The following RAD51B variants were observed in gnomAD, a reference collection of about 807,000 sequenced individuals.
RAD51B encodes RAD51 paralog B.
In RAD51B, 38 loss-of-function variants were observed where a neutral mutation model predicts 42.2. That is an observed-to-expected ratio of 0.90 (90% CI 0.70 to 1.18). RAD51B has a LOEUF of 1.18. RAD51B is among the 50% of genes most tolerant of loss of function. The pLI is 0.00. For synonymous variants in RAD51B, 154 were observed against 145.2 expected (o/e 1.06, Z -0.43); for missense variants, 373 against 400.7 (o/e 0.93, Z 0.59).
At chr14:67,828,399 T>G (rs1317783582) in intron 3 of RAD51B, among the ~76,000 whole-genome samples, 1 of 152,088 alleles carries the variant, frequency 6.6e-6, no homozygotes, top group Admixed American at 6.6e-5. Flanking sequence ...ATATTAGACC[T>G]TTGTCGGATG....
At chr14:68,603,947 G>A (rs968359311) in intron 10 of RAD51B, among the ~76,000 whole-genome samples, 1 of 152,190 alleles carries the variant, frequency 6.6e-6, no homozygotes, top group Non-Finnish European at 1.5e-5. Context: ...GTCTCCGGAG[G>A]GAAGCGTTCA....
chr14:67,889,503 A>G (rs1032261458), intron 7 of RAD51B, among the ~76,000 whole-genome samples: 1 of 148,386 alleles, frequency 6.7e-6, no homozygotes, highest in South Asian at 2.1e-4. Flanking sequence ...TGAAATATGT[A>G]TATAAATATA....
chr14:68,140,508 T>C (rs1051107299), intron 7 of RAD51B, among the ~76,000 whole-genome samples: 1 of 152,246 alleles, frequency 6.6e-6, no homozygotes, highest in Non-Finnish European at 1.5e-5. Flanking sequence ...CATTGGTTTT[T>C]AAAGAGTTTT....
chr14:68,547,609 C>T (rs1470432121), intron 10 of RAD51B, among the ~76,000 whole-genome samples: 3 of 152,148 alleles, frequency 2.0e-5, no homozygotes, highest in Non-Finnish European at 4.4e-5. Context: ...TCCACAAGCC[C>T]GGGTTCCTTG....
chr14:68,550,909 C>T (rs1443951340), intron 10 of RAD51B, among the ~76,000 whole-genome samples: 1 of 152,122 alleles, frequency 6.6e-6, no homozygotes, highest in Non-Finnish European at 1.5e-5. Flanking sequence ...GCATTTATAA[C>T]CATGAAGAGT....
intron 10 of RAD51B, chr14:68,562,213 C>T: frequency 1.0e-6 from 1 of 985,424 alleles, no homozygotes; most frequent in Non-Finnish European, 1.2e-6. Context: ...CCTCACCAGA[C>T]ATTTGCAGCC....
chr14:68,246,264 T>A (rs569215726), intron 7 of RAD51B, among the ~76,000 whole-genome samples: 1 of 151,110 alleles, frequency 6.6e-6, no homozygotes, highest in South Asian at 2.1e-4. Flanking sequence ...CATGATTAGA[T>A]CTGTCTCTGT....
intron 7 of RAD51B, among the ~76,000 whole-genome samples, chr14:68,104,910 A>G (rs1412315353): frequency 1.3e-5 from 2 of 152,124 alleles, no homozygotes; most frequent in African/African-American, 4.8e-5. Context: ...CTATGCCTGC[A>G]CAGGAGTTGG....
At chr14:68,292,087 A>T in intron 8 of RAD51B, 107 bp downstream of exon 8, 3 of 1,004,182 alleles carry the variant, frequency 3.0e-6, no homozygotes, top group Non-Finnish European at 4.6e-6. Context: ...GGCCCTGGCC[A>T]GTGAACCCAG....
At chr14:68,084,556 A>G (rs11158719) in intron 7 of RAD51B, among the ~76,000 whole-genome samples, 35,255 of 152,114 alleles carry the variant, frequency 0.23, 4,852 homozygotes, top group African/African-American at 0.38. Flanking sequence ...GAGTTTAAAT[A>G]TGGATCCTGA....
intron 7 of RAD51B, among the ~76,000 whole-genome samples, chr14:68,248,226 G>GAAGAAGAGA (rs1464456410): frequency 6.6e-6 from 1 of 152,164 alleles, no homozygotes; most frequent in Non-Finnish European, 1.5e-5. Context: ...GACAGAAACT[G>GAAGAAGAGA]TACTTTCCTT....
At chr14:68,075,159 G>A (rs1382331764) in intron 7 of RAD51B, among the ~76,000 whole-genome samples, 4 of 152,282 alleles carry the variant, frequency 2.6e-5, no homozygotes, top group Middle Eastern at 3.4e-3. Flanking sequence ...CCTGGGGTGG[G>A]GTGGGTGCCT....
chr14:68,321,998 T>G (rs527822195), intron 8 of RAD51B, among the ~76,000 whole-genome samples: 31 of 152,250 alleles, frequency 2.0e-4, no homozygotes, highest in African/African-American at 7.5e-4. Context: ...GGTCTCAAAC[T>G]CCTGAGCTCA....
At position 68,275,052 on chromosome 14, in the gene RAD51B, T is replaced by G. The variant is rs144229219; in HGVS notation, c.757-16832T>G. Among the ~76,000 whole-genome samples the G allele has an allele frequency of 2.8e-3, 422 of 152,350 alleles. 11 individuals carry two copies. In the East Asian group the frequency reaches 0.047, roughly 17 times the overall value. The stretch of plus-strand genomic sequence containing the variant: ...TGATCTTCTTCCCATGACCAAGATT[T>G]CTGTCAACTTTTCACCTACTGGTTT... On this transcript the variant is annotated intron_variant, in intron 7 of 10. Transcript: ENST00000471583.
downstream of RAD51B, among the ~76,000 whole-genome samples, chr14:68,613,032 G>A (rs1891731422): frequency 1.3e-5 from 2 of 152,168 alleles, no homozygotes; most frequent in Admixed American, 1.3e-4. Context: ...TGGTTAATGA[G>A]GTGAGCATAC....
intron 8 of RAD51B, among the ~76,000 whole-genome samples, chr14:68,399,259 G>GTGT (rs757163699): frequency 2.2e-5 from 3 of 136,026 alleles, no homozygotes; most frequent in East Asian, 4.2e-4. Flanking sequence ...TTTTTTTTGT[G>GTGT]TTTTTTTTTT....
intron 7 of RAD51B, among the ~76,000 whole-genome samples, chr14:68,262,030 T>G (rs949174153): frequency 2.0e-5 from 3 of 151,252 alleles, no homozygotes; most frequent in African/African-American, 7.2e-5. Context: ...TGGTAGAGTT[T>G]GTAAATAGGA....
intron 8 of RAD51B, among the ~76,000 whole-genome samples, chr14:68,401,023 A>C (rs1422407170): frequency 6.6e-6 from 1 of 152,076 alleles, no homozygotes; most frequent in Non-Finnish European, 1.5e-5. Flanking sequence ...GCTTCTTTTT[A>C]TTCAGACAAT....
chr14:68,654,708 C>T lies in RAD51B; in HGVS notation c.*11+3852C>T, dbSNP rs145282946. ...CTGATAGGAAGGCCCCCAACTCTACCGCGGCCTTGAGTGGCTGCCAGCTCC... is the reference window on the plus strand; with the variant it reads ...CTGATAGGAAGGCCCCCAACTCTACTGCGGCCTTGAGTGGCTGCCAGCTCC... On this transcript the variant is annotated intron_variant, in intron 11 of 11. Coordinates refer to the RAD51B transcript ENST00000488612. 3.4e-3 allele frequency among the ~76,000 whole-genome samples: 516 copies of T among 152,274 alleles called. 2 individuals are homozygous for T. Among genetic ancestry groups the T allele is most frequent in the African/African-American group, 0.012 (487 of 41,552 alleles).
Sources: allele counts gnomAD v4.1 joint callset (sites outside exome capture counted in the v4.1 genomes callset), GRCh38; gene constraint gnomAD v4.1.1; transcripts MANE v1.5; gene names NCBI Gene and HGNC (gene_info 2026-07-23, HGNC 2026-07-21).